Variants in SLF2 observed in about 807,000 individuals in gnomAD.
SLF2 encodes the protein SMC5-SMC6 complex localization factor protein 2.
In SLF2, 68 loss-of-function variants were observed where a neutral mutation model predicts 124.3. That is an observed-to-expected ratio of 0.55 (90% CI 0.45 to 0.67). SLF2 has a LOEUF of 0.67. Ranked by LOEUF, SLF2 falls within the 30% of genes least tolerant of loss-of-function variation. The probability of loss-of-function intolerance (pLI) is 0.00; values close to 1 mark genes in which losing one functional copy is unlikely to be tolerated. For synonymous variants in SLF2, 480 were observed against 478.8 expected, an observed-to-expected ratio of 1.00 and a Z score of -0.03; for missense variants, 1,246 against 1,373.7, an observed-to-expected ratio of 0.91 and a Z score of 1.47.
In SLF2 at chr10:100,917,127, G is replaced by T; in HGVS notation, c.742G>T (p.Glu248Ter). The T allele has an allele frequency of 6.2e-7, 1 of 1,614,082 alleles. No homozygotes were observed. The highest frequency in any genetic ancestry group is 8.5e-7 in the Non-Finnish European group (1 of 1,180,042). The change falls in exon 3 of 20, where the codon GAA (glutamate) becomes TAA (stop). Residue 248 changes from glutamate to a stop codon, truncating the protein, a stop_gained. Transcript: ENST00000238961. LOFTEE classifies it high-confidence loss of function. ...ACTAGCTTCTTACTGCAGAGAACGA[G>T]AACTAAAGAGGTTGAGAAAGGAGCA... ...LSLASYCRERELKRLRKEQME... is the reference protein window; with the variant it reads ...LSLASYCRER
intron 14 of SLF2, 94 bp from the exon 15 acceptor site, chr10:100,947,666 C>T: frequency 3.8e-6 from 3 of 780,670 alleles, no homozygotes; most frequent in Non-Finnish European, 6.2e-6. Flanking sequence ...CCTATATTTC[C>T]AATTAGAACT....
At chr10:100,938,777 C>T (rs772413906) in intron 11 of SLF2, 41 bp downstream of exon 11, 65 of 1,536,082 alleles carry the variant, frequency 4.2e-5, no homozygotes, top group Middle Eastern at 1.8e-4. Flanking sequence ...AATATCATTT[C>T]GTACGACTTA....
intron 18 of SLF2, among the ~76,000 whole-genome samples, chr10:100,958,143 T>G (rs1850367119): frequency 2.0e-5 from 3 of 152,234 alleles, no homozygotes; most frequent in African/African-American, 7.2e-5. Flanking sequence ...TTTGATAATG[T>G]AATACAATGC....
chr10:100,921,358 G>A (rs1270240903), intron 4 of SLF2, among the ~76,000 whole-genome samples: 4 of 152,078 alleles, frequency 2.6e-5, no homozygotes, highest in Non-Finnish European at 4.4e-5. Flanking sequence ...CTGGGATTAC[G>A]GGCGTGAGCC....
At position 100,917,144 on chromosome 10, in the gene SLF2, A is replaced by G. The variant is rs1438656675; in HGVS notation, c.759A>G (p.Arg253=). 1.9e-6 allele frequency: 3 copies of G among 1,614,106 alleles called. No homozygotes were observed. The change falls in exon 3 of 20, where the codon AGA becomes AGG. Residue 253 remains arginine, a synonymous_variant. Coordinates refer to ENST00000238961, the MANE Select transcript of SLF2 (RefSeq NM_018121.4). ...YCRERELKRL[R]KEQMEQRINS... The stretch of plus-strand genomic sequence containing the variant: ...GAGAACGAGAACTAAAGAGGTTGAG[A>G]AAGGAGCAAATGGAGCAGAGAATCA...
chr10:100,925,900 T>G, intron 5 of SLF2, 49 bp from the exon 6 acceptor site: 1 of 1,506,520 alleles, frequency 6.6e-7, no homozygotes, highest in South Asian at 1.3e-5. Flanking sequence ...ACATCCCAGT[T>G]CTTCTACTAA....
intron 11 of SLF2, among the ~76,000 whole-genome samples, chr10:100,941,229 A>G (rs1307522772): frequency 6.6e-6 from 1 of 152,126 alleles, no homozygotes; most frequent in Non-Finnish European, 1.5e-5. Flanking sequence ...TCTCTATACA[A>G]ATAGTAGATG....
intron 11 of SLF2, among the ~76,000 whole-genome samples, chr10:100,939,135 A>G (rs1282232766): frequency 1.3e-5 from 2 of 152,234 alleles, no homozygotes; most frequent in African/African-American, 4.8e-5. Context: ...AAACTATGAC[A>G]AATAACTAAG....
intron 4 of SLF2, among the ~76,000 whole-genome samples, chr10:100,923,514 A>AT (rs1030153762): frequency 0.01 from 1,487 of 142,746 alleles, 7 homozygotes; most frequent in Non-Finnish European, 0.014. Flanking sequence ...ACACAGCGTG[A>AT]TTTTTTTTTT....
rs1226093177 is a variant in SLF2, at chr10:100,956,516, A to C, written c.3396A>C (p.Ala1132=). ...TTAAATGTGATATTAGGGAAGATGC[A>C]AGACTTTTTTACAGAACTAAGGTAA... ...KHVKCDIRED[A]RLFYRTKVKD... Residue 1132 remains alanine (A), a synonymous_variant, in exon 18 of 20, where the codon GCA becomes GCC. Coordinates refer to ENST00000238961, the MANE Select transcript of SLF2 (RefSeq NM_018121.4). 2.5e-6 allele frequency: 4 copies of C among 1,612,648 alleles called. No individual in the cohort carries two copies. Among genetic ancestry groups the C allele is most frequent in the Non-Finnish European group, 3.4e-6 (4 of 1,179,428 alleles).
chr10:100,924,685 G>A lies in SLF2; in HGVS notation c.1684G>A (p.Val562Ile). ...PTKSPPAALE[V>I]VPCIPSPAAP... ...AAAGTCTCCCCCTGCTGCTTTGGAAGTTGTGCCATGTATCCCAAGCCCTGC... is the reference window on the plus strand; with the variant it reads ...AAAGTCTCCCCCTGCTGCTTTGGAAATTGTGCCATGTATCCCAAGCCCTGC... The change falls in exon 5 of 20, where the codon GTT becomes ATT. Residue 562 changes from valine to isoleucine, a missense_variant. Val to Ile is a conservative substitution (Grantham distance 29). Transcript: ENST00000238961. The A allele has an allele frequency of 6.2e-7, 1 of 1,614,144 alleles. No individual in the cohort carries two copies. The highest frequency in any genetic ancestry group is 8.5e-7 in the Non-Finnish European group (1 of 1,180,020).
At chr10:100,942,305 C>T (rs1158451013) in intron 11 of SLF2, among the ~76,000 whole-genome samples, 1 of 152,170 alleles carries the variant, frequency 6.6e-6, no homozygotes, top group African/African-American at 2.4e-5. Flanking sequence ...CTACAGTCCT[C>T]CTCCCATTTA....
At position 100,916,824 on chromosome 10, in the gene SLF2, A is replaced by G; in HGVS notation, c.439A>G (p.Thr147Ala). The G allele has an allele frequency of 6.2e-7, 1 of 1,614,172 alleles. No individual in the cohort carries two copies. Among genetic ancestry groups the G allele is most frequent in the Non-Finnish European group, 8.5e-7 (1 of 1,180,030 alleles). ...AGCCTCCAAATATTTAGCCAAAGGA[A>G]CAAATATCTATGTTCCTTCTTCATA... ...SLASKYLAKG[T>A]NIYVPSSYHL... is the part of the protein sequence containing the mutation. The change falls in exon 3 of 20, where the codon ACA becomes GCA. Residue 147 changes from threonine to alanine, a missense_variant. Physicochemically the swap from Thr to Ala is moderately conservative, Grantham distance 58. Transcript: ENST00000238961.
At chr10:100,931,751 T>G (rs1472953238) in intron 9 of SLF2, among the ~76,000 whole-genome samples, 1 of 152,146 alleles carries the variant, frequency 6.6e-6, no homozygotes, top group Non-Finnish European at 1.5e-5. Context: ...CCCAGCACTT[T>G]GGGAGGCCGA....
At chr10:100,955,899 C>G (rs1850320394) in intron 17 of SLF2, among the ~76,000 whole-genome samples, 1 of 90,594 alleles carries the variant, frequency 1.1e-5, no homozygotes. Flanking sequence ...GAGCAAGACT[C>G]TGTCTCAAAA....
chr10:100,959,346 C>T, intron 18 of SLF2, 82 bp from the exon 19 acceptor site: 5 of 1,303,716 alleles, frequency 3.8e-6, no homozygotes, highest in Non-Finnish European at 5.1e-6. Flanking sequence ...TTGCAGCTGT[C>T]AGATATTTTG....
intron 5 of SLF2, 63 bp downstream of exon 5, chr10:100,925,035 G>T: frequency 1.4e-6 from 2 of 1,470,152 alleles, no homozygotes; most frequent in Non-Finnish European, 1.8e-6. Context: ...TAGTGAAAGG[G>T]GTGGATTATC....
At chr10:100,916,108 T>C (rs1589939718) in intron 2 of SLF2, 66 bp downstream of exon 2, 1 of 1,251,936 alleles carries the variant, frequency 8.0e-7, no homozygotes, top group East Asian at 2.3e-5. Flanking sequence ...CAGATTCAAC[T>C]TTAAAACCTA....
intron 12 of SLF2, among the ~76,000 whole-genome samples, chr10:100,944,403 G>A (rs1850055744): frequency 6.7e-6 from 1 of 149,952 alleles, no homozygotes; most frequent in Admixed American, 6.7e-5. Flanking sequence ...GCTGAGGCAG[G>A]AGAATGGCGT....
Sources: allele counts gnomAD v4.1 joint callset (sites outside exome capture counted in the v4.1 genomes callset), GRCh38; gene constraint gnomAD v4.1.1; transcripts MANE v1.5; gene names NCBI Gene and HGNC (gene_info 2026-07-23, HGNC 2026-07-21).